GPAT3: variants seen among roughly 807,000 people sequenced by gnomAD.
GPAT3 encodes glycerol-3-phosphate acyltransferase 3, also known as 1-AGP acyltransferase 9.
GPAT3 carries 53 observed loss-of-function variants against 58.8 expected under a neutral mutation model. The ratio of observed to expected loss-of-function variants is 0.90; its 90% CI spans 0.72 to 1.13. GPAT3 has a LOEUF of 1.13. Ranked by LOEUF, GPAT3 falls within the 50% of genes most tolerant of loss-of-function variation. The probability of loss-of-function intolerance (pLI) is 0.00; values close to 1 mark genes in which losing one functional copy is unlikely to be tolerated. For synonymous variants in GPAT3, 197 were observed against 187.4 expected (o/e 1.05, Z -0.42); for missense variants, 511 against 527.6 (o/e 0.97, Z 0.31).
chr4:83,553,801 C>G (rs998617888), intron 2 of GPAT3, among the ~76,000 whole-genome samples: 1 of 151,546 alleles, frequency 6.6e-6, no homozygotes, highest in Admixed American at 6.6e-5. Context: ...CTCTTGAGCC[C>G]GGGAGGTCAA....
chr4:83,574,868 T>C (rs1279354802), intron 2 of GPAT3, among the ~76,000 whole-genome samples: 1 of 96,098 alleles, frequency 1.0e-5, no homozygotes, highest in Non-Finnish European at 2.5e-5. Flanking sequence ...CATTTCTTTC[T>C]TTTTTTTTTT....
upstream of GPAT3, chr4:83,536,065 G>A (rs1024201857): frequency 4.1e-6 from 4 of 985,370 alleles, no homozygotes; most frequent in African/African-American, 1.7e-5. Context: ...GGTGGGGCGA[G>A]GGCAGCGCGC....
chr4:83,570,038 A>G (rs1725543678), intron 2 of GPAT3, among the ~76,000 whole-genome samples: 1 of 152,172 alleles, frequency 6.6e-6, no homozygotes, highest in East Asian at 1.9e-4. Flanking sequence ...TTTAGCAAGG[A>G]AGAACTGGGG....
Position 83,597,406 on chromosome 4 carries a change from G to T in GPAT3, c.911-24G>T, listed in dbSNP as rs372389612. 3.1e-6 allele frequency: 4 copies of T among 1,296,430 alleles called. No homozygotes were observed. In the East Asian group the frequency reaches 1.1e-4, roughly 34 times the overall value. The allele number at this position is 1,296,430 out of a possible 1,614,324, so 80.3% of individuals were successfully genotyped here. A position where few individuals can be genotyped will look rare whatever the true frequency, so the allele number is the denominator to read the frequency against. On this transcript the variant is annotated intron_variant, in intron 8 of 11. Coordinates refer to ENST00000264409, the MANE Select transcript of GPAT3 (RefSeq NM_032717.5). ...AATGACTGCCTTTAAAAATATTCAC[G>T]CTCCTACCCTCACCCCCTTGCAGGA...
In GPAT3 at chr4:83,596,913, G is replaced by C. The variant is rs148178024; in HGVS notation, c.910G>C (p.Gly304Arg). The change falls in exon 8 of 12, where the codon GGA becomes CGA. Residue 304 changes from glycine to arginine, a missense_variant and splice_region_variant. Transcript: ENST00000264409. ...ACTACCCATACTAATTTTTCCTGAA[G>C]GTAAGAATGGGCCTGCCTCCCGAGC... The part of the protein sequence containing the change: ...KKLPILIFPE[G>R]TCINNTSVMM... 1.6e-3 allele frequency: 2,630 copies of C among 1,601,092 alleles called. 2 individuals are homozygous for C. The highest frequency in any genetic ancestry group is 2.0e-3 in the Non-Finnish European group (2,395 of 1,175,660).
At position 83,536,730 on chromosome 4, in the gene GPAT3, G is replaced by C. The variant is rs1257735843; in HGVS notation, c.108G>C (p.Glu36Asp). 1.2e-6 allele frequency: 2 copies of C among 1,613,250 alleles called. No individual in the cohort carries two copies. The highest frequency in any genetic ancestry group is 1.7e-5 in the Admixed American group (1 of 59,986). ...TCGGAGTGTCTCTGGGCATCTCCGA[G>C]ATCTACATGAAGATCCTAGTGAAAA... Reference protein sequence around the residue: ...SVFGVSLGISEIYMKILVKTL... With the variant: ...SVFGVSLGISDIYMKILVKTL... Residue 36 changes from glutamate (E) to aspartate (D), a missense_variant, in exon 1 of 12, where the codon GAG (glutamate) becomes GAC (aspartate). Transcript: ENST00000264409.
chr4:83,598,835 CATAG>C, intron 11 of GPAT3, 112 bp downstream of exon 11: 3 of 715,094 alleles, frequency 4.2e-6, no homozygotes, highest in Non-Finnish European at 6.4e-6. Context: ...GTAGCATGAT[CATAG>C]TTCACTGTAG....
chr4:83,598,766 T>TTC, intron 11 of GPAT3, 43 bp downstream of exon 11: 2 of 1,251,282 alleles, frequency 1.6e-6, no homozygotes, highest in South Asian at 2.8e-5. Context: ...TTTTTTTTTT[T>TTC]TTTTTTTTTT....
At chr4:83,567,024 A>G (rs1220112402) in intron 2 of GPAT3, among the ~76,000 whole-genome samples, 4 of 152,182 alleles carry the variant, frequency 2.6e-5, no homozygotes, top group Admixed American at 1.3e-4. Flanking sequence ...CATACTGTAT[A>G]TGGTTTTTCA....
At chr4:83,594,016 G>A (rs1726715575) in intron 6 of GPAT3, among the ~76,000 whole-genome samples, 3 of 151,938 alleles carry the variant, frequency 2.0e-5, no homozygotes. Flanking sequence ...ATTGACTTTG[G>A]TTATCCTTTC....
intron 10 of GPAT3, chr4:83,598,441 T>TTTCG (rs1394757243): frequency 1.4e-6 from 1 of 697,958 alleles, no homozygotes; most frequent in Admixed American, 3.1e-5. Context: ...GTAATAAATA[T>TTTCG]ATGCACATGG....
At chr4:83,548,792 G>A (rs752332925) in intron 2 of GPAT3, among the ~76,000 whole-genome samples, 12 of 152,126 alleles carry the variant, frequency 7.9e-5, no homozygotes, top group Non-Finnish European at 1.3e-4. Flanking sequence ...TCTCTGCCTT[G>A]TATCTCATGC....
intron 2 of GPAT3, among the ~76,000 whole-genome samples, chr4:83,556,433 G>A (rs898601527): frequency 8.6e-5 from 13 of 152,006 alleles, no homozygotes; most frequent in African/African-American, 3.1e-4. Context: ...AGGAGGTGGA[G>A]GTTGCAGTGA....
At chr4:83,569,815 C>A (rs528409809) in intron 2 of GPAT3, among the ~76,000 whole-genome samples, 4 of 151,836 alleles carry the variant, frequency 2.6e-5, no homozygotes, top group Admixed American at 6.6e-5. Flanking sequence ...GGGTTCCAAG[C>A]TGTAAAAGAT....
intron 2 of GPAT3, among the ~76,000 whole-genome samples, chr4:83,570,581 T>G (rs1027466261): frequency 2.6e-5 from 4 of 151,388 alleles, no homozygotes; most frequent in Non-Finnish European, 5.9e-5. Flanking sequence ...CAAGTGATTC[T>G]CCTGCCTCAG....
In GPAT3 at chr4:83,581,627, G is replaced by A. The variant is rs1157463144; in HGVS notation, c.274G>A (p.Glu92Lys). 9 of 1,614,170 alleles carry A rather than the reference G, an allele frequency of 5.6e-6. No homozygotes were observed. The highest frequency in any genetic ancestry group is 6.8e-6 in the Non-Finnish European group (8 of 1,180,012). Reference sequence around the variant, plus strand: ...CTCTGGTCTACGAGGAAGGGACTTTGAGCTGTCTGACGTGTTTTATTTCTC... The same window carrying A: ...CTCTGGTCTACGAGGAAGGGACTTTAAGCTGTCTGACGTGTTTTATTTCTC... ...GLSGLRGRDF[E>K]LSDVFYFSKK... is the part of the protein sequence containing the mutation. The change falls in exon 3 of 12, where the codon GAG (glutamate) becomes AAG (lysine). Residue 92 changes from glutamate (E) to lysine (K), a missense_variant. Glu to Lys is a moderately conservative substitution (Grantham distance 56). Coordinates refer to ENST00000264409, the MANE Select transcript of GPAT3 (RefSeq NM_032717.5).
intron 2 of GPAT3, among the ~76,000 whole-genome samples, chr4:83,573,924 C>G (rs1291241646): frequency 6.6e-6 from 1 of 152,166 alleles, no homozygotes; most frequent in African/African-American, 2.4e-5. Flanking sequence ...CCCAAGGCCC[C>G]CTTCCAGTCT....
intron 2 of GPAT3, among the ~76,000 whole-genome samples, chr4:83,574,126 A>G (rs1314543792): frequency 6.6e-6 from 1 of 152,182 alleles, no homozygotes; most frequent in East Asian, 1.9e-4. Flanking sequence ...CAAGGCTTCC[A>G]TGAGAAAGTG....
In GPAT3 at chr4:83,578,985, TTTCC is replaced by T. The variant is rs1185459852; in HGVS notation, c.209-2553_209-2550del. Among the ~76,000 whole-genome samples, 591 of 131,848 alleles carry T rather than the reference TTTCC, an allele frequency of 4.5e-3. 36 individuals carry two copies. Among genetic ancestry groups the T allele is most frequent in the Middle Eastern group, 0.015 (4 of 274 alleles). 86.5% of individuals were successfully genotyped at this position (131,848 alleles called of 152,430 possible). On this transcript the variant is annotated intron_variant, in intron 2 of 11. Coordinates refer to ENST00000264409, the MANE Select transcript of GPAT3 (RefSeq NM_032717.5). Reference sequence around the variant, plus strand: ...CTTTCTTTCTTTCTTTCTTTCTTTCTTTCCTTCCTTCCTTCCTTCCTTCCTTCTT... The same window carrying T: ...CTTTCTTTCTTTCTTTCTTTCTTTCTTTCCTTCCTTCCTTCCTTCCTTCTT...
Sources: gnomAD v4.1 joint callset for allele counts (sites outside exome capture counted in the v4.1 genomes callset) on GRCh38, gnomAD v4.1.1 for gene constraint, MANE v1.5 for transcripts, NCBI Gene and HGNC (gene_info 2026-07-23, HGNC 2026-07-21) for gene names.